PRLR: variants seen among roughly 807,000 people sequenced by gnomAD.
PRLR encodes the protein prolactin receptor, also known as hPRL receptor.
A neutral mutation model predicts 40.2 loss-of-function variants in PRLR; 13 were observed. That is an observed-to-expected ratio of 0.32 (90% confidence interval 0.21 to 0.51). PRLR has a LOEUF of 0.51. Among genes scored for constraint, PRLR ranks in the 20% least tolerant of loss-of-function variants. PRLR has a pLI of 0.97. For synonymous variants in PRLR, 269 were observed against 278.7 expected, an observed-to-expected ratio of 0.97 and a Z score of 0.35; for missense variants, 656 against 747.3, an observed-to-expected ratio of 0.88 and a Z score of 1.42.
intron 1 of PRLR, among the ~76,000 whole-genome samples, chr5:35,219,053 T>C (rs1176139720): frequency 3.9e-5 from 6 of 152,200 alleles, no homozygotes; most frequent in Non-Finnish European, 8.8e-5. Flanking sequence ...TCCTCCCACC[T>C]TGGCAGATGG....
In PRLR at chr5:35,049,938, G is replaced by A. The variant is rs1446590646; in HGVS notation, c.1010-530C>T. On this transcript the variant is annotated intron_variant, in intron 8 of 8. Transcript: ENST00000231423. ...TTTTTTTTTTTTGAGACAGAGTTTCGCACTTGTTGCCCAGGCTGGAGTGCA... is the reference window on the plus strand; with the variant it reads ...TTTTTTTTTTTTGAGACAGAGTTTCACACTTGTTGCCCAGGCTGGAGTGCA... 1.3e-4 allele frequency among the ~76,000 whole-genome samples: 16 copies of A among 125,124 alleles called. No homozygotes were observed. The Admixed American group carries it at 1.3e-3, about 10-fold the overall frequency. 82.1% of individuals were successfully genotyped at this position (125,124 alleles called of 152,430 possible). A position where few individuals can be genotyped will look rare whatever the true frequency, so the allele number is the denominator to read the frequency against.
At chr5:35,214,224 C>T (rs924618596) in intron 1 of PRLR, among the ~76,000 whole-genome samples, 4 of 152,180 alleles carry the variant, frequency 2.6e-5, no homozygotes, top group Admixed American at 1.3e-4. Context: ...AGCTTCATCT[C>T]CCTTGAGGAG....
At chr5:35,171,844 A>G (rs1171371675) in intron 1 of PRLR, among the ~76,000 whole-genome samples, 2 of 152,062 alleles carry the variant, frequency 1.3e-5, no homozygotes, top group Non-Finnish European at 2.9e-5. Context: ...CCTTAATTCT[A>G]CTCTAGATGA....
At chr5:35,071,146 T>C (rs940607561) in intron 6 of PRLR, among the ~76,000 whole-genome samples, 1 of 152,188 alleles carries the variant, frequency 6.6e-6, no homozygotes, top group Non-Finnish European at 1.5e-5. Context: ...AATTTACCAA[T>C]TCTTGGTAAA....
intron 1 of PRLR, among the ~76,000 whole-genome samples, chr5:35,134,336 T>A (rs915319197): frequency 1.3e-5 from 2 of 149,366 alleles, no homozygotes; most frequent in African/African-American, 5.0e-5. Flanking sequence ...CCTTGGATTA[T>A]CACAGCAAGA....
At chr5:35,155,447 A>C (rs970149514) in intron 1 of PRLR, among the ~76,000 whole-genome samples, 1 of 152,218 alleles carries the variant, frequency 6.6e-6, no homozygotes, top group Non-Finnish European at 1.5e-5. Flanking sequence ...CTCTTTGATC[A>C]CATAAGCCAC....
chr5:35,146,962 C>T (rs1379572810), intron 1 of PRLR, among the ~76,000 whole-genome samples: 1 of 151,814 alleles, frequency 6.6e-6, no homozygotes, highest in Non-Finnish European at 1.5e-5. Context: ...CACACACATA[C>T]ACACACACAC....
In PRLR at chr5:35,074,504, C is replaced by CATATAT. The variant is rs3034214; in HGVS notation, c.374-1766_374-1761dup. 3.1e-3 allele frequency among the ~76,000 whole-genome samples: 416 copies of CATATAT among 132,604 alleles called. 4 individuals carry two copies. The highest frequency in any genetic ancestry group is 5.6e-3 in the South Asian group (24 of 4,298). 87.0% of individuals were successfully genotyped at this position (132,604 alleles called of 152,430 possible). On this transcript the variant is annotated intron_variant, in intron 5 of 9. Coordinates refer to ENST00000618457, the MANE Select transcript of PRLR (RefSeq NM_000949.7). ...AACAGCTACATATTTTTTATGATTCCATATATATATATATATATATATGAA... is the reference window on the plus strand; with the variant it reads ...AACAGCTACATATTTTTTATGATTCCATATATATATATATATATATATATATATGAA...
chr5:35,127,461 T>C (rs1773508233), intron 1 of PRLR, among the ~76,000 whole-genome samples: 1 of 152,216 alleles, frequency 6.6e-6, no homozygotes, highest in South Asian at 2.1e-4. Context: ...ACAGAAGTCA[T>C]TTTTATTATC....
At chr5:35,134,683 C>T (rs111330880) in intron 1 of PRLR, among the ~76,000 whole-genome samples, 24 of 152,290 alleles carry the variant, frequency 1.6e-4, no homozygotes, top group African/African-American at 4.1e-4. Flanking sequence ...TAAAAGGTGT[C>T]TTTTGTTACA....
intron 1 of PRLR, among the ~76,000 whole-genome samples, chr5:35,189,093 A>G (rs1775526531): frequency 6.6e-6 from 1 of 152,168 alleles, no homozygotes; most frequent in Non-Finnish European, 1.5e-5. Context: ...AGATACATGC[A>G]TGCAGGGGCA....
intron 1 of PRLR, among the ~76,000 whole-genome samples, chr5:35,176,606 T>C (rs890376527): frequency 5.9e-5 from 9 of 152,218 alleles, no homozygotes; most frequent in South Asian, 2.1e-4. Context: ...GTTAAACAGA[T>C]GCTTGAAGGC....
chr5:35,194,337 G>T (rs527504791), intron 1 of PRLR, among the ~76,000 whole-genome samples: 10 of 152,290 alleles, frequency 6.6e-5, no homozygotes, highest in Middle Eastern at 3.4e-3. Flanking sequence ...TCAGTGAGGG[G>T]CTGCCTCTCT....
chr5:35,109,664 G>A (rs1311385604), intron 2 of PRLR, among the ~76,000 whole-genome samples: 1 of 152,154 alleles, frequency 6.6e-6, no homozygotes, highest in Non-Finnish European at 1.5e-5. Context: ...AAACCACAAT[G>A]AGATACCATC....
In PRLR at chr5:35,065,038, G is replaced by A. The variant is rs1769264947; in HGVS notation, c.*51C>T. 1.3e-6 allele frequency: 2 copies of A among 1,554,372 alleles called. No individual in the cohort carries two copies. Among genetic ancestry groups the A allele is most frequent in the South Asian group, 2.5e-5 (2 of 81,284 alleles). On this transcript the variant is annotated 3_prime_UTR_variant, in exon 10 of 10. Transcript: ENST00000618457. Reference sequence around the variant, plus strand: ...TTGAGCATTTCACGTACTCTGTAGTGTTACCTGAAGAAAAATCACATTTTA... The same window carrying A: ...TTGAGCATTTCACGTACTCTGTAGTATTACCTGAAGAAAAATCACATTTTA...
intron 1 of PRLR, among the ~76,000 whole-genome samples, chr5:35,197,366 A>G (rs1775764723): frequency 6.6e-6 from 1 of 152,168 alleles, no homozygotes; most frequent in South Asian, 2.1e-4. Context: ...TTAATCAACT[A>G]CAGGTTCAAC....
intron 1 of PRLR, among the ~76,000 whole-genome samples, chr5:35,208,581 C>T (rs1776083201): frequency 2.0e-5 from 3 of 151,886 alleles, no homozygotes; most frequent in Non-Finnish European, 4.4e-5. Context: ...AAACTGTAAT[C>T]ACAAATGAAA....
rs369632028 is a variant in PRLR, at chr5:35,181,012, C to T, written c.-106+49256G>A. 3.0e-4 allele frequency among the ~76,000 whole-genome samples: 45 copies of T among 152,270 alleles called. 1 individual carries two copies. The highest frequency in any genetic ancestry group is 6.8e-3 in the Middle Eastern group (2 of 294). On this transcript the variant is annotated intron_variant, in intron 1 of 9. Transcript: ENST00000618457. Reference sequence around the variant, plus strand: ...GAAAGTGTTTTTGAAAGCAGTTGTACATAGTAGGTATTTAAACATATATTG... The same window carrying T: ...GAAAGTGTTTTTGAAAGCAGTTGTATATAGTAGGTATTTAAACATATATTG...
At chr5:35,053,545 C>T (rs527896888), downstream of PRLR, among the ~76,000 whole-genome samples, 16 of 152,002 alleles carry the variant, frequency 1.1e-4, no homozygotes, top group South Asian at 2.1e-4. Flanking sequence ...CCTAGCTACT[C>T]GGGAGGCTGA....
Sources: allele counts gnomAD v4.1 joint callset (sites outside exome capture counted in the v4.1 genomes callset), GRCh38; gene constraint gnomAD v4.1.1; transcripts MANE v1.5; gene names NCBI Gene and HGNC (gene_info 2026-07-23, HGNC 2026-07-21).